PTPRD: variants seen among roughly 807,000 people sequenced by gnomAD.
PTPRD encodes the protein receptor-type tyrosine-protein phosphatase delta.
A neutral mutation model predicts 214.5 loss-of-function variants in PTPRD; 34 were observed. The observed-to-expected ratio is 0.16, with a 90% CI of 0.12 to 0.21. The LOEUF is 0.21. Ranked by LOEUF, PTPRD falls within the 10% of genes least tolerant of loss-of-function variation. The pLI, the probability that PTPRD is intolerant of heterozygous loss-of-function variation, is 1.00. For missense variants in PTPRD, 2,545 were observed against 2,398.7 expected, an observed-to-expected ratio of 1.06 and a Z score of -1.27; for synonymous variants, 1,128 against 845.7, an observed-to-expected ratio of 1.33 and a Z score of -5.79.
At chr9:8,355,607 G>T (rs187664005) in intron 39 of PTPRD, among the ~76,000 whole-genome samples, 5 of 152,306 alleles carry the variant, frequency 3.3e-5, no homozygotes, top group Non-Finnish European at 7.4e-5. Context: ...TGACACCAAA[G>T]AGCTGAAGGT....
At chr9:9,046,144 G>A (rs1018717940) in intron 10 of PTPRD, among the ~76,000 whole-genome samples, 4 of 152,164 alleles carry the variant, frequency 2.6e-5, no homozygotes, top group East Asian at 1.9e-4. Flanking sequence ...AAAGAAGGTG[G>A]AAGTCACTTG....
intron 12 of PTPRD, among the ~76,000 whole-genome samples, chr9:8,685,151 A>C (rs1175893196): frequency 6.6e-6 from 1 of 152,154 alleles, no homozygotes; most frequent in Non-Finnish European, 1.5e-5. Context: ...CTTTAGGAGA[A>C]AGCTTTTCTT....
intron 3 of PTPRD, among the ~76,000 whole-genome samples, chr9:10,296,781 A>G (rs760384612): frequency 6.6e-6 from 1 of 152,070 alleles, no homozygotes; most frequent in Non-Finnish European, 1.5e-5. Flanking sequence ...AATTCCAGGC[A>G]TGGTTTTCAC....
At chr9:10,551,985 C>T (rs1026342845) in intron 2 of PTPRD, among the ~76,000 whole-genome samples, 29 of 152,194 alleles carry the variant, frequency 1.9e-4, no homozygotes, top group African/African-American at 6.5e-4. Flanking sequence ...ATGTTTTCAA[C>T]ACCTAATGCC....
intron 2 of PTPRD, among the ~76,000 whole-genome samples, chr9:10,386,328 G>C (rs1021002775): frequency 6.6e-6 from 1 of 151,694 alleles, no homozygotes; most frequent in Non-Finnish European, 1.5e-5. Context: ...GGATATTTTG[G>C]TCTTCTCATT....
chr9:8,459,078 C>CT (rs1359509338), intron 33 of PTPRD, among the ~76,000 whole-genome samples: 1 of 151,926 alleles, frequency 6.6e-6, no homozygotes, highest in Admixed American at 6.6e-5. Flanking sequence ...GAAGGAGTTT[C>CT]TTTTTTTAAG....
intron 9 of PTPRD, among the ~76,000 whole-genome samples, chr9:9,371,294 G>A (rs532856736): frequency 5.9e-5 from 9 of 152,194 alleles, no homozygotes; most frequent in Admixed American, 5.2e-4. Flanking sequence ...TTCAGAGCCT[G>A]TTATTGGTCT....
chr9:9,491,029 C>A (rs993148445), intron 8 of PTPRD, among the ~76,000 whole-genome samples: 2 of 151,554 alleles, frequency 1.3e-5, no homozygotes, highest in African/African-American at 4.8e-5. Context: ...AATTAATGAT[C>A]TAATTATACA....
At chr9:8,725,866 C>T (rs1050810373) in intron 12 of PTPRD, among the ~76,000 whole-genome samples, 4 of 152,068 alleles carry the variant, frequency 2.6e-5, no homozygotes, top group Non-Finnish European at 5.9e-5. Context: ...TACTTACTGC[C>T]GAGAGACAAA....
At chr9:10,428,571 C>G (rs563541259) in intron 2 of PTPRD, among the ~76,000 whole-genome samples, 3 of 152,128 alleles carry the variant, frequency 2.0e-5, no homozygotes, top group Non-Finnish European at 4.4e-5. Flanking sequence ...GCCTTGACAA[C>G]TCAACCTTCT....
chr9:9,096,369 A>T (rs1329214357), intron 10 of PTPRD, among the ~76,000 whole-genome samples: 1 of 152,204 alleles, frequency 6.6e-6, no homozygotes, highest in Non-Finnish European at 1.5e-5. Context: ...AAAGCAAACA[A>T]ACAAAAGTCC....
chr9:9,492,867 T>C (rs965231588), intron 8 of PTPRD, among the ~76,000 whole-genome samples: 5 of 150,534 alleles, frequency 3.3e-5, no homozygotes, highest in African/African-American at 1.2e-4. Flanking sequence ...TTATTATTTA[T>C]ATTTGTTATG....
chr9:10,204,412 A>G (rs2099455354), intron 3 of PTPRD, among the ~76,000 whole-genome samples: 1 of 152,172 alleles, frequency 6.6e-6, no homozygotes, highest in Admixed American at 6.6e-5. Context: ...ATGTTTCCAC[A>G]CTAAGTTTTA....
intron 9 of PTPRD, among the ~76,000 whole-genome samples, chr9:9,276,927 A>G (rs2133298310): frequency 6.6e-6 from 1 of 151,402 alleles, no homozygotes; most frequent in East Asian, 2.0e-4. Flanking sequence ...TTTTGCCTGG[A>G]AAGTTACTTC....
At chr9:9,680,965 T>C (rs1481808403) in intron 7 of PTPRD, among the ~76,000 whole-genome samples, 1 of 151,842 alleles carries the variant, frequency 6.6e-6, no homozygotes, top group African/African-American at 2.4e-5. Context: ...AATATATCAC[T>C]ATATTTTTCT....
chr9:9,636,296 T>G (rs2095764366), intron 7 of PTPRD, among the ~76,000 whole-genome samples: 1 of 152,186 alleles, frequency 6.6e-6, no homozygotes, highest in Non-Finnish European at 1.5e-5. Flanking sequence ...TTGCATAGTT[T>G]GCATTTGTAA....
intron 14 of PTPRD, among the ~76,000 whole-genome samples, chr9:8,567,430 C>G (rs531180688): frequency 2.0e-5 from 3 of 152,256 alleles, no homozygotes; most frequent in African/African-American, 7.2e-5. Context: ...TCACCTGCTT[C>G]CATAGTACCA....
chr9:9,233,342 T>C (rs1261529694), intron 9 of PTPRD, among the ~76,000 whole-genome samples: 1 of 152,136 alleles, frequency 6.6e-6, no homozygotes, highest in African/African-American at 2.4e-5. Flanking sequence ...GCCCCCAAGA[T>C]TCAATTACCT....
chr9:9,123,835 A>G (rs2099819937), intron 10 of PTPRD, among the ~76,000 whole-genome samples: 1 of 152,206 alleles, frequency 6.6e-6, no homozygotes, highest in Admixed American at 6.5e-5. Flanking sequence ...TGAGGGGTCA[A>G]CAGGAATAGC....
Sources: allele counts gnomAD v4.1 joint callset (sites outside exome capture counted in the v4.1 genomes callset), GRCh38; gene constraint gnomAD v4.1.1; transcripts MANE v1.5; gene names NCBI Gene and HGNC (gene_info 2026-07-23, HGNC 2026-07-21).